TMEM132C: variants seen among roughly 807,000 people sequenced by gnomAD.
TMEM132C encodes the protein protein phosphatase 1, regulatory subunit 152.
Under a neutral mutation model 61.4 loss-of-function variants are expected in TMEM132C, and 29 were observed. The ratio of observed to expected loss-of-function variants is 0.47; its 90% CI spans 0.35 to 0.64. The LOEUF (loss-of-function observed/expected upper bound fraction) is 0.64, where lower values mean the gene tolerates loss of function less well. TMEM132C is among the 30% of genes least tolerant of loss of function. The pLI, the probability that TMEM132C is intolerant of heterozygous loss-of-function variation, is 0.00. For synonymous variants in TMEM132C, 656 were observed against 633.1 expected, an observed-to-expected ratio of 1.04 and a Z score of -0.54; for missense variants, 1,408 against 1,476.9, an observed-to-expected ratio of 0.95 and a Z score of 0.76.
chr12:128,655,943 T>C (rs947207718), intron 4 of TMEM132C, among the ~76,000 whole-genome samples: 2 of 152,252 alleles, frequency 1.3e-5, no homozygotes, highest in East Asian at 1.9e-4. Context: ...AGGTGAAACA[T>C]AAAATAAGTT....
At chr12:128,350,208 T>C (rs941191473) in intron 1 of TMEM132C, among the ~76,000 whole-genome samples, 1 of 152,190 alleles carries the variant, frequency 6.6e-6, no homozygotes, top group Non-Finnish European at 1.5e-5. Context: ...CTATTTTTTT[T>C]CTTAAGCAGT....
intron 4 of TMEM132C, among the ~76,000 whole-genome samples, chr12:128,667,395 A>G (rs1954489430): frequency 6.6e-6 from 1 of 152,196 alleles, no homozygotes; most frequent in African/African-American, 2.4e-5. Context: ...GGGAATTTCT[A>G]AAGTATTCTT....
At chr12:128,365,138 G>A (rs1278087816) in intron 1 of TMEM132C, among the ~76,000 whole-genome samples, 1 of 152,150 alleles carries the variant, frequency 6.6e-6, no homozygotes, top group African/African-American at 2.4e-5. Flanking sequence ...ACGACACTGG[G>A]GGCAGGAATC....
At chr12:128,355,208 C>T (rs995839106) in intron 1 of TMEM132C, among the ~76,000 whole-genome samples, 1 of 152,078 alleles carries the variant, frequency 6.6e-6, no homozygotes, top group Non-Finnish European at 1.5e-5. Flanking sequence ...TTCACAGGGG[C>T]ACTGGGGGAC....
chr12:128,668,091 A>T (rs1954497110), intron 4 of TMEM132C, among the ~76,000 whole-genome samples: 1 of 152,196 alleles, frequency 6.6e-6, no homozygotes. Flanking sequence ...TGGACAACAT[A>T]GCAAGATCCT....
chr12:128,277,431 G>A (rs1477122563), intron 1 of TMEM132C, among the ~76,000 whole-genome samples: 1 of 152,226 alleles, frequency 6.6e-6, no homozygotes, highest in Non-Finnish European at 1.5e-5. Flanking sequence ...CTAAAAGAAA[G>A]TGACTTCTCA....
chr12:128,628,827 AAATG>A, intron 4 of TMEM132C, among the ~76,000 whole-genome samples: 1 of 152,352 alleles, frequency 6.6e-6, no homozygotes, highest in East Asian at 1.9e-4. Context: ...CCTGTTGCCT[AAATG>A]AATGCAGCCC....
intron 4 of TMEM132C, among the ~76,000 whole-genome samples, chr12:128,639,427 G>A (rs917039744): frequency 7.4e-5 from 11 of 147,656 alleles, no homozygotes; most frequent in Admixed American, 3.3e-4. Context: ...AATAATGATG[G>A]CAAGAATGAT....
At chr12:128,311,748 G>A (rs1871974708) in intron 1 of TMEM132C, among the ~76,000 whole-genome samples, 1 of 152,294 alleles carries the variant, frequency 6.6e-6, no homozygotes, top group African/African-American at 2.4e-5. Flanking sequence ...GGCTCCTCAC[G>A]CTGCCTGCTC....
chr12:128,531,306 G>C (rs1593088425), intron 2 of TMEM132C, among the ~76,000 whole-genome samples: 1 of 152,122 alleles, frequency 6.6e-6, no homozygotes, highest in Non-Finnish European at 1.5e-5. Flanking sequence ...ATGGTAAAAG[G>C]CAGCAAAAGG....
intron 1 of TMEM132C, among the ~76,000 whole-genome samples, chr12:128,375,893 G>A (rs61938443): frequency 6.6e-6 from 1 of 152,236 alleles, no homozygotes; most frequent in South Asian, 2.1e-4. Context: ...GGTGGCCACT[G>A]GGTCTGGAGT....
At chr12:128,443,513 T>C (rs1252031812) in intron 2 of TMEM132C, among the ~76,000 whole-genome samples, 3 of 152,218 alleles carry the variant, frequency 2.0e-5, no homozygotes, top group African/African-American at 7.2e-5. Context: ...ATTCTTCTAA[T>C]TTTTCTATAG....
At chr12:128,310,043 A>G (rs1347026140) in intron 1 of TMEM132C, among the ~76,000 whole-genome samples, 4 of 152,154 alleles carry the variant, frequency 2.6e-5, no homozygotes, top group African/African-American at 4.8e-5. Flanking sequence ...GCCTCTCTTC[A>G]TTCCTTTTCA....
intron 4 of TMEM132C, among the ~76,000 whole-genome samples, chr12:128,662,555 C>G (rs372957199): frequency 6.6e-6 from 1 of 152,084 alleles, no homozygotes; most frequent in African/African-American, 2.4e-5. Flanking sequence ...GCCCTGGGCT[C>G]GACATTCAAA....
At chr12:128,479,338 C>T (rs188950206) in intron 2 of TMEM132C, among the ~76,000 whole-genome samples, 2 of 152,232 alleles carry the variant, frequency 1.3e-5, no homozygotes, top group East Asian at 3.9e-4. Context: ...AACAAACCTG[C>T]ACTTGCACCC....
At chr12:128,611,828 G>T (rs900490692) in intron 3 of TMEM132C, among the ~76,000 whole-genome samples, 2 of 152,162 alleles carry the variant, frequency 1.3e-5, no homozygotes, top group Admixed American at 6.5e-5. Context: ...AGTACCACTG[G>T]CCAGCCATCC....
intron 3 of TMEM132C, among the ~76,000 whole-genome samples, chr12:128,615,757 G>C (rs1472008488): frequency 6.6e-6 from 1 of 152,158 alleles, no homozygotes; most frequent in African/African-American, 2.4e-5. Context: ...ACCGGTTCAT[G>C]GCCCAGGGGT....
chr12:128,541,935 G>T (rs1019385845), intron 2 of TMEM132C, among the ~76,000 whole-genome samples: 4 of 152,148 alleles, frequency 2.6e-5, no homozygotes. Flanking sequence ...TCTGTATTCG[G>T]TGTGGCACCC....
chr12:128,595,706 C>T (rs1409830802), intron 3 of TMEM132C, among the ~76,000 whole-genome samples: 1 of 152,198 alleles, frequency 6.6e-6, no homozygotes, highest in Non-Finnish European at 1.5e-5. Context: ...GCCAGCATCA[C>T]CCGTGGCACT....
Sources: allele counts gnomAD v4.1 joint callset (sites outside exome capture counted in the v4.1 genomes callset), GRCh38; gene constraint gnomAD v4.1.1; transcripts MANE v1.5; gene names NCBI Gene and HGNC (gene_info 2026-07-23, HGNC 2026-07-21).